CA10: variants seen among roughly 807,000 people sequenced by gnomAD.
The protein encoded by CA10 is carbonic anhydrase-related protein 10.
CA10 carries 14 observed loss-of-function variants against 44.2 expected under a neutral mutation model. The observed-to-expected ratio is 0.32, with a 90% confidence interval of 0.21 to 0.50. The LOEUF is 0.50. Among genes scored for constraint, CA10 ranks in the 20% least tolerant of loss-of-function variants. The pLI is 0.99. For missense variants in CA10, 350 were observed against 409.7 expected (o/e 0.85, Z 1.26); for synonymous variants, 159 against 141.6 (o/e 1.12, Z -0.87).
chr17:51,742,657 G>A (rs1160686348), intron 4 of CA10, among the ~76,000 whole-genome samples: 1 of 151,932 alleles, frequency 6.6e-6, no homozygotes, highest in Non-Finnish European at 1.5e-5. Flanking sequence ...GAGAGAGAGA[G>A]AAAGCAAGAG....
chr17:52,059,765 A>T (rs1337136379), intron 2 of CA10, among the ~76,000 whole-genome samples: 3 of 152,186 alleles, frequency 2.0e-5, no homozygotes, highest in Admixed American at 6.5e-5. Context: ...CAATGGAGAG[A>T]GTTATTCAAT....
At chr17:51,676,100 G>A (rs1914620306) in intron 4 of CA10, among the ~76,000 whole-genome samples, 1 of 152,204 alleles carries the variant, frequency 6.6e-6, no homozygotes, top group Non-Finnish European at 1.5e-5. Context: ...GTGTGTACAA[G>A]TTTTAGTTTG....
At chr17:51,921,065 GT>G (rs1440018435) in intron 3 of CA10, among the ~76,000 whole-genome samples, 2 of 152,142 alleles carry the variant, frequency 1.3e-5, no homozygotes, top group Non-Finnish European at 2.9e-5. Flanking sequence ...TCCAATGTTA[GT>G]GCTTTAAAGG....
chr17:52,084,138 A>C (rs1235365105), intron 1 of CA10, among the ~76,000 whole-genome samples: 2 of 152,168 alleles, frequency 1.3e-5, no homozygotes, highest in Non-Finnish European at 2.9e-5. Context: ...AGCAGGAAAA[A>C]AACTGATTCA....
Position 52,016,427 on chromosome 17 carries a change from T to C in CA10, c.136+55892A>G, listed in dbSNP as rs8065035. Among the ~76,000 whole-genome samples the C allele has an allele frequency of 8.5e-3, 1,299 of 152,248 alleles. 16 individuals are homozygous for C. Among genetic ancestry groups the C allele is most frequent in the African/African-American group, 0.027 (1,134 of 41,572 alleles). On this transcript the variant is annotated intron_variant, in intron 2 of 8. Coordinates refer to ENST00000451037, the MANE Select transcript of CA10 (RefSeq NM_020178.5). ...TCGGTAAATGTATTCATTGCATTGA[T>C]TGCAAAAAGCTAATTTGATTTGCTT... is the stretch of plus-strand genomic sequence containing the variant.
At chr17:51,742,607 T>G (rs762205786) in intron 4 of CA10, among the ~76,000 whole-genome samples, 8 of 152,212 alleles carry the variant, frequency 5.3e-5, no homozygotes, top group Non-Finnish European at 7.3e-5. Context: ...TTGTTGGTTC[T>G]GAGATAATTG....
chr17:52,064,735 AC>A (rs1161436984), intron 2 of CA10, among the ~76,000 whole-genome samples: 11 of 152,196 alleles, frequency 7.2e-5, no homozygotes, highest in African/African-American at 9.7e-5. Context: ...ACCTGGGTAA[AC>A]CATTTGTACC....
At chr17:52,069,755 G>A (rs1987631363) in intron 2 of CA10, among the ~76,000 whole-genome samples, 1 of 152,174 alleles carries the variant, frequency 6.6e-6, no homozygotes, top group Non-Finnish European at 1.5e-5. Flanking sequence ...ACTCACCATT[G>A]TTATAGAGCT....
At chr17:51,960,246 T>C (rs118050470) in intron 2 of CA10, among the ~76,000 whole-genome samples, 3,421 of 151,428 alleles carry the variant, frequency 0.023, 117 homozygotes, top group Admixed American at 0.097. Context: ...AAAACACAAA[T>C]AAAAAAATAT....
intron 2 of CA10, among the ~76,000 whole-genome samples, chr17:51,961,394 A>C (rs1424500908): frequency 6.6e-6 from 1 of 152,188 alleles, no homozygotes; most frequent in South Asian, 2.1e-4. Context: ...CCATATTAAA[A>C]TATTAGAAAA....
intron 4 of CA10, among the ~76,000 whole-genome samples, chr17:51,665,153 G>A (rs747571305): frequency 2.0e-5 from 3 of 152,098 alleles, no homozygotes; most frequent in South Asian, 2.1e-4. Flanking sequence ...ATGAAGCTGC[G>A]CAGCGATTTG....
intron 2 of CA10, among the ~76,000 whole-genome samples, chr17:52,018,444 C>T (rs1175992531): frequency 6.6e-6 from 1 of 152,056 alleles, no homozygotes; most frequent in East Asian, 1.9e-4. Flanking sequence ...GAAGCAGAGC[C>T]AAAGGAGATT....
intron 4 of CA10, among the ~76,000 whole-genome samples, chr17:51,692,192 T>TC (rs1235075927): frequency 1.3e-5 from 2 of 151,732 alleles, no homozygotes; most frequent in African/African-American, 4.8e-5. Flanking sequence ...TTTATAGGTT[T>TC]CCTTGTAGAT....
intron 3 of CA10, among the ~76,000 whole-genome samples, chr17:51,915,703 A>T (rs1981966553): frequency 1.3e-5 from 2 of 152,112 alleles, no homozygotes; most frequent in African/African-American, 4.8e-5. Flanking sequence ...TTCATCACAA[A>T]TCAGTATACA....
chr17:51,639,650 C>T (rs757250922), intron 6 of CA10, among the ~76,000 whole-genome samples: 11 of 152,218 alleles, frequency 7.2e-5, no homozygotes, highest in Non-Finnish European at 1.5e-4. Flanking sequence ...GACATTTTCA[C>T]TCCCCACTGT....
intron 3 of CA10, among the ~76,000 whole-genome samples, chr17:51,835,077 C>T (rs1359080244): frequency 6.6e-6 from 1 of 152,194 alleles, no homozygotes; most frequent in Non-Finnish European, 1.5e-5. Flanking sequence ...CAAAAGCAAT[C>T]TGACCTTGTG....
In CA10 at chr17:51,957,368, T is replaced by C. The variant is rs762772445; in HGVS notation, c.137-26236A>G. The stretch of plus-strand genomic sequence containing the variant: ...ATTTCATAGGCATGGTGGTAGAACA[T>C]TGGGGTGAATAAGATGATGTCTGCT... On this transcript the variant is annotated intron_variant, in intron 2 of 8. Coordinates refer to ENST00000451037, the MANE Select transcript of CA10 (RefSeq NM_020178.5). 5.9e-5 allele frequency among the ~76,000 whole-genome samples: 9 copies of C among 152,268 alleles called. 1 individual carries two copies. The Middle Eastern group carries it at 0.01, about 173-fold the overall frequency.
intron 3 of CA10, among the ~76,000 whole-genome samples, chr17:51,779,473 T>A (rs1374399502): frequency 6.6e-6 from 1 of 152,174 alleles, no homozygotes; most frequent in East Asian, 1.9e-4. Flanking sequence ...TGGGGGAAAA[T>A]ATGCAGGTGT....
intron 2 of CA10, among the ~76,000 whole-genome samples, chr17:52,051,083 G>A (rs1162390795): frequency 6.7e-6 from 1 of 148,812 alleles, no homozygotes; most frequent in African/African-American, 2.5e-5. Flanking sequence ...TGGAGGAAAT[G>A]AAGAGTGGGA....
Sources: allele counts gnomAD v4.1 joint callset (sites outside exome capture counted in the v4.1 genomes callset), GRCh38; gene constraint gnomAD v4.1.1; transcripts MANE v1.5; gene names NCBI Gene and HGNC (gene_info 2026-07-23, HGNC 2026-07-21).